GYG2: variants seen among roughly 807,000 people sequenced by gnomAD.
The protein encoded by GYG2 is glycogenin 2, also known as glycogenin-2.
Under a neutral mutation model 29.4 loss-of-function variants are expected in GYG2, and 29 were observed. The ratio of observed to expected loss-of-function variants is 0.99; its 90% CI spans 0.74 to 1.35. The LOEUF (loss-of-function observed/expected upper bound fraction) is 1.35. Among genes scored for constraint, GYG2 ranks in the 40% most tolerant of loss-of-function variants. The probability of loss-of-function intolerance (pLI) is 0.00; values close to 1 mark genes in which losing one functional copy is unlikely to be tolerated. For missense variants in GYG2, 370 were observed against 385.7 expected, an observed-to-expected ratio of 0.96 and a Z score of 0.34; for synonymous variants, 167 against 172.3, an observed-to-expected ratio of 0.97 and a Z score of 0.24.
At chrX:2,843,021 C>T (rs772710060) in intron 2 of GYG2, 192 bp from the exon 3 acceptor site, 11 of 496,599 alleles carry the variant, frequency 2.2e-5, no homozygotes, top group African/African-American at 4.7e-5. Context: ...CCATGGTGCC[C>T]AGGCTGGTCT....
intron 2 of GYG2, among the ~76,000 whole-genome samples, chrX:2,831,782 G>A (rs1161136779): frequency 9.0e-6 from 1 of 111,525 alleles, no homozygotes; most frequent in Admixed American, 9.5e-5. Context: ...ATTTTGGGGG[G>A]TGATCAGAAG....
At chrX:2,880,606 T>G (rs2088699875) in intron 10 of GYG2, among the ~76,000 whole-genome samples, 1 of 112,133 alleles carries the variant, frequency 8.9e-6, no homozygotes, top group Admixed American at 9.5e-5. Context: ...TAGTGTATAT[T>G]TAGCTCAAAA....
chrX:2,859,075 TG>T (rs1029282513), intron 6 of GYG2, among the ~76,000 whole-genome samples: 6 of 111,875 alleles, frequency 5.4e-5, no homozygotes, highest in African/African-American at 1.9e-4. Flanking sequence ...ATAAAATAAC[TG>T]CAAAAACTGT....
intron 8 of GYG2, among the ~76,000 whole-genome samples, chrX:2,862,628 G>A (rs1236826928): frequency 8.9e-6 from 1 of 111,818 alleles, no homozygotes; most frequent in Non-Finnish European, 1.9e-5. Context: ...GGTGTCTGCT[G>A]AGGCCGAGTC....
chrX:2,853,339 T>G (rs1306395895), intron 3 of GYG2, among the ~76,000 whole-genome samples: 1 of 110,390 alleles, frequency 9.1e-6, no homozygotes, highest in Admixed American at 9.7e-5. Context: ...GCCTCCTGAG[T>G]AGCTGGGACT....
intron 2 of GYG2, among the ~76,000 whole-genome samples, chrX:2,840,695 AGATG>A (rs903287388): frequency 3.6e-5 from 4 of 111,551 alleles, no homozygotes; most frequent in Non-Finnish European, 5.6e-5. Flanking sequence ...AGGTATAGAT[AGATG>A]GATGGCTAAT....
chrX:2,862,000 C>G (rs1017455891), intron 8 of GYG2, among the ~76,000 whole-genome samples: 8 of 111,589 alleles, frequency 7.2e-5, no homozygotes, highest in African/African-American at 2.0e-4. Context: ...AAATGAGGGA[C>G]CCTGAGCTGG....
chrX:2,871,107 G>A (rs1364915687), intron 8 of GYG2, among the ~76,000 whole-genome samples: 1 of 110,084 alleles, frequency 9.1e-6, no homozygotes, highest in African/African-American at 3.3e-5. Context: ...TTGGGCTTCA[G>A]TGTTTGTGAT....
At chrX:2,841,497 T>C (rs1411957417) in intron 2 of GYG2, among the ~76,000 whole-genome samples, 1 of 111,729 alleles carries the variant, frequency 9.0e-6, no homozygotes, top group Non-Finnish European at 1.9e-5. Context: ...TCTTTTGTTC[T>C]ACAGAATTAA....
chrX:2,867,926 T>C (rs941648756), intron 8 of GYG2, among the ~76,000 whole-genome samples: 1 of 109,757 alleles, frequency 9.1e-6, no homozygotes, highest in Admixed American at 9.8e-5. Context: ...TGAAACCCTG[T>C]CTCTACTAAA....
intron 2 of GYG2, among the ~76,000 whole-genome samples, chrX:2,830,628 G>C (rs2087243530): frequency 8.9e-6 from 1 of 111,978 alleles, no homozygotes; most frequent in South Asian, 3.7e-4. Flanking sequence ...TTCCAGTACA[G>C]ATACAGGGAT....
intron 2 of GYG2, chrX:2,842,916 G>T: frequency 3.1e-6 from 1 of 322,015 alleles, no homozygotes; most frequent in African/African-American, 2.7e-5. Context: ...CCAGGCTCAA[G>T]TATCCTCCCA....
In GYG2 at chrX:2,857,170, G is replaced by GACCTAGATA. The variant is rs1569065032; in HGVS notation, c.614+546_614+547insACCTAGATA. ...TTTATCTATCTATCTAGACCTAGAT[G>GACCTAGATA]TCTATCTATCTAGACCTAGATATCT... On this transcript the variant is annotated intron_variant, in intron 6 of 10. Transcript: ENST00000398806. 2.0e-3 allele frequency among the ~76,000 whole-genome samples: 183 copies of GACCTAGATA among 92,728 alleles called. 5 individuals carry two copies. Among genetic ancestry groups the GACCTAGATA allele is most frequent in the African/African-American group, 5.7e-3 (155 of 27,141 alleles). The allele number at this position is 92,728 out of a possible 115,157, so 80.5% of individuals were successfully genotyped here. A position where few individuals can be genotyped will look rare whatever the true frequency, so the allele number is the denominator to read the frequency against.
chrX:2,850,436 G>T (rs1208283974), intron 3 of GYG2, among the ~76,000 whole-genome samples: 1 of 111,803 alleles, frequency 8.9e-6, no homozygotes, highest in African/African-American at 3.2e-5. Flanking sequence ...GAAAAGATGT[G>T]TACAAGTTTC....
intron 4 of GYG2, among the ~76,000 whole-genome samples, chrX:2,854,574 C>T (rs1177157407): frequency 8.1e-5 from 9 of 111,732 alleles, no homozygotes; most frequent in African/African-American, 2.6e-4. Context: ...GATTGGAAGA[C>T]ATGTTCCTAC....
chrX:2,881,520 C>G lies in GYG2; in HGVS notation c.*307C>G, dbSNP rs1603460593. 2.8e-5 allele frequency: 6 copies of G among 213,126 alleles called. No individual in the cohort carries two copies. The East Asian group carries it at 5.2e-4, about 18-fold the overall frequency. The allele number at this position is 213,126 out of a possible 1,213,427, so 17.6% of individuals were successfully genotyped here. A position where few individuals can be genotyped will look rare whatever the true frequency, so the allele number is the denominator to read the frequency against. On this transcript the variant is annotated 3_prime_UTR_variant, in exon 11 of 11. Transcript: ENST00000398806. ...TAGACTCTCGATGGTGGTCTCCGCTCTTGCCCGAAGGACCTCTGAAGTACG... is the reference window on the plus strand; with the variant it reads ...TAGACTCTCGATGGTGGTCTCCGCTGTTGCCCGAAGGACCTCTGAAGTACG...
intron 2 of GYG2, among the ~76,000 whole-genome samples, chrX:2,831,686 C>G (rs192190683): frequency 8.9e-6 from 1 of 111,742 alleles, no homozygotes; most frequent in African/African-American, 3.2e-5. Flanking sequence ...TGGTCAGCCT[C>G]GTGCCAGAAG....
chrX:2,842,300 T>C (rs2087520442), intron 2 of GYG2, among the ~76,000 whole-genome samples: 1 of 109,947 alleles, frequency 9.1e-6, no homozygotes, highest in African/African-American at 3.3e-5. Context: ...GCTCAAGCGA[T>C]CCGCCTGCCT....
chrX:2,844,162 T>C (rs2087569388), intron 3 of GYG2, among the ~76,000 whole-genome samples: 1 of 112,261 alleles, frequency 8.9e-6, no homozygotes, highest in Admixed American at 9.5e-5. Context: ...ATGGTAGATG[T>C]AGCAGGAATT....
Sources: allele counts gnomAD v4.1 joint callset (sites outside exome capture counted in the v4.1 genomes callset), GRCh38; gene constraint gnomAD v4.1.1; transcripts MANE v1.5; gene names NCBI Gene and HGNC (gene_info 2026-07-23, HGNC 2026-07-21).